The following RARB variants were observed in gnomAD, a reference collection of about 807,000 sequenced individuals.
The protein encoded by RARB is HBV-activated protein.
RARB carries 17 observed loss-of-function variants against 51.9 expected under a neutral mutation model. That is an observed-to-expected ratio of 0.33 (90% CI 0.22 to 0.49). The LOEUF (loss-of-function observed/expected upper bound fraction) is 0.49, where lower values mean the gene tolerates loss of function less well. RARB is among the 20% of genes least tolerant of loss of function. The pLI is 0.99. For missense variants in RARB, 369 were observed against 550.8 expected (o/e 0.67, Z 3.30); for synonymous variants, 215 against 195.4 (o/e 1.10, Z -0.84).
intron 5 of RARB, among the ~76,000 whole-genome samples, chr3:25,305,694 C>T (rs1704138019): frequency 6.6e-6 from 1 of 152,154 alleles, no homozygotes; most frequent in Non-Finnish European, 1.5e-5. Context: ...GACACTCCTA[C>T]CTAGTGGGGG....
intron 5 of RARB, among the ~76,000 whole-genome samples, chr3:25,394,566 T>C (rs892889720): frequency 6.6e-6 from 1 of 152,182 alleles, no homozygotes; most frequent in Non-Finnish European, 1.5e-5. Flanking sequence ...AATTGTTTTA[T>C]AAACTTGGGA....
At chr3:25,386,498 G>A (rs990722824) in intron 5 of RARB, among the ~76,000 whole-genome samples, 9 of 152,114 alleles carry the variant, frequency 5.9e-5, no homozygotes, top group Non-Finnish European at 8.8e-5. Context: ...CTGGCTGCAG[G>A]GCAAAGACTG....
chr3:25,154,766 T>A (rs1243915428), intron 4 of RARB, among the ~76,000 whole-genome samples: 1 of 152,216 alleles, frequency 6.6e-6, no homozygotes, highest in Non-Finnish European at 1.5e-5. Flanking sequence ...CTTGCCCAGT[T>A]CAGTTGTCAC....
chr3:24,912,785 TAGAA>T (rs1419348745), intron 2 of RARB, among the ~76,000 whole-genome samples: 1 of 152,078 alleles, frequency 6.6e-6, no homozygotes, highest in African/African-American at 2.4e-5. Context: ...AAAAGGAGGT[TAGAA>T]AGAACCTGAA....
intron 4 of RARB, among the ~76,000 whole-genome samples, chr3:25,146,727 G>C (rs533784908): frequency 1.1e-3 from 173 of 151,854 alleles, no homozygotes; most frequent in Non-Finnish European, 1.1e-3. Flanking sequence ...CACCATGTTA[G>C]CCAGGATAGT....
chr3:25,467,731 C>A (rs1414141527), intron 2 of RARB, among the ~76,000 whole-genome samples: 3 of 152,238 alleles, frequency 2.0e-5, no homozygotes, highest in Non-Finnish European at 4.4e-5. Flanking sequence ...TACATACCGT[C>A]TTCTATTATT....
intron 5 of RARB, among the ~76,000 whole-genome samples, chr3:25,419,441 G>GCCCAAACTTGGGC (rs1707797982): frequency 6.6e-6 from 1 of 152,154 alleles, no homozygotes; most frequent in Non-Finnish European, 1.5e-5. Flanking sequence ...TAGACAGGAA[G>GCCCAAACTTGGGC]CCCAAACTTG....
At chr3:25,204,964 A>T (rs1170460463) in intron 5 of RARB, among the ~76,000 whole-genome samples, 1 of 152,138 alleles carries the variant, frequency 6.6e-6, no homozygotes, top group Non-Finnish European at 1.5e-5. Flanking sequence ...TCAGACAGGG[A>T]CATTTAAGTC....
chr3:25,009,377 A>ACATCTAC (rs1308108307), intron 2 of RARB, among the ~76,000 whole-genome samples: 3 of 152,150 alleles, frequency 2.0e-5, no homozygotes, highest in Non-Finnish European at 4.4e-5. Flanking sequence ...CCAATAAACC[A>ACATCTAC]CATCTACAAT....
At chr3:25,151,339 C>G (rs945337249) in intron 4 of RARB, among the ~76,000 whole-genome samples, 2 of 152,148 alleles carry the variant, frequency 1.3e-5, no homozygotes, top group Non-Finnish European at 2.9e-5. Context: ...TTTCATTTAG[C>G]CTGCCTTAGA....
At chr3:25,049,003 C>T (rs957356900) in intron 2 of RARB, among the ~76,000 whole-genome samples, 83 of 152,228 alleles carry the variant, frequency 5.5e-4, no homozygotes, top group African/African-American at 1.4e-3. Flanking sequence ...CCACCTGCCT[C>T]GGCCTCCCAG....
chr3:25,328,844 T>C lies in RARB; in HGVS notation c.179-132349T>C, dbSNP rs1704804362. ...CCACCCTAATACTGTGCTTTTCCAATGGTCTTAGCAAATGGCACACCAGGA... is the reference window on the plus strand; with the variant it reads ...CCACCCTAATACTGTGCTTTTCCAACGGTCTTAGCAAATGGCACACCAGGA... On this transcript the variant is annotated intron_variant, in intron 5 of 11. Transcript: ENST00000383772. 2.6e-5 allele frequency among the ~76,000 whole-genome samples: 4 copies of C among 152,160 alleles called. No homozygotes were observed. The South Asian group carries it at 8.3e-4, about 32-fold the overall frequency.
intron 5 of RARB, among the ~76,000 whole-genome samples, chr3:25,321,928 G>C (rs1704583516): frequency 6.6e-6 from 1 of 151,660 alleles, no homozygotes; most frequent in Admixed American, 6.6e-5. Flanking sequence ...GCAGTAGAAG[G>C]ATGGATGCTA....
chr3:25,416,462 G>T (rs1340171554), intron 5 of RARB, among the ~76,000 whole-genome samples: 1 of 152,078 alleles, frequency 6.6e-6, no homozygotes, highest in African/African-American at 2.4e-5. Context: ...TTGAAGAAAC[G>T]TTTGATATTA....
intron 5 of RARB, among the ~76,000 whole-genome samples, chr3:25,303,512 AC>A (rs1458694893): frequency 6.6e-6 from 1 of 152,080 alleles, no homozygotes; most frequent in African/African-American, 2.4e-5. Flanking sequence ...CAAAATGAAG[AC>A]CCGTGTCCCC....
At chr3:25,250,125 AGG>A (rs1702675287) in intron 5 of RARB, among the ~76,000 whole-genome samples, 1 of 152,166 alleles carries the variant, frequency 6.6e-6, no homozygotes, top group South Asian at 2.1e-4. Context: ...ATCAGTACTC[AGG>A]CCTGCAGGTG....
chr3:24,910,714 C>T (rs888380048), intron 2 of RARB, among the ~76,000 whole-genome samples: 74 of 152,068 alleles, frequency 4.9e-4, no homozygotes, highest in Admixed American at 5.9e-4. Flanking sequence ...TTGTGTCTGA[C>T]GCTACCCTGG....
At chr3:25,573,084 G>A (rs1172957839) in intron 4 of RARB, among the ~76,000 whole-genome samples, 1 of 151,958 alleles carries the variant, frequency 6.6e-6, no homozygotes, top group Non-Finnish European at 1.5e-5. Context: ...TTATTCGTTG[G>A]GCAGGATACT....
chr3:25,554,166 G>A (rs1326399055), intron 3 of RARB, among the ~76,000 whole-genome samples: 2 of 150,598 alleles, frequency 1.3e-5, no homozygotes, highest in Non-Finnish European at 3.0e-5. Context: ...GCGTGGAGGT[G>A]TAGGGCAGGG....
Sources: gnomAD v4.1 joint callset for allele counts (sites outside exome capture counted in the v4.1 genomes callset) on GRCh38, gnomAD v4.1.1 for gene constraint, MANE v1.5 for transcripts, NCBI Gene and HGNC (gene_info 2026-07-23, HGNC 2026-07-21) for gene names.